Variants in PDE10A observed in about 807,000 individuals in gnomAD.
The protein encoded by PDE10A is cAMP and cAMP-inhibited cGMP 3',5'-cyclic phosphodiesterase 10A.
Under a neutral mutation model 97.7 loss-of-function variants are expected in PDE10A, and 39 were observed. The ratio of observed to expected loss-of-function variants is 0.40; its 90% CI spans 0.31 to 0.52. The LOEUF is 0.52. Ranked by LOEUF, PDE10A falls within the 20% of genes least tolerant of loss-of-function variation. The pLI, the probability that PDE10A is intolerant of heterozygous loss-of-function variation, is 0.56. For missense variants in PDE10A, 731 were observed against 1,047.8 expected, an observed-to-expected ratio of 0.70 and a Z score of 4.17; for synonymous variants, 371 against 376.8, an observed-to-expected ratio of 0.98 and a Z score of 0.18.
At chr6:165,497,831 A>T (rs1780628747) in intron 2 of PDE10A, among the ~76,000 whole-genome samples, 3 of 152,378 alleles carry the variant, frequency 2.0e-5, no homozygotes, top group Middle Eastern at 6.8e-3. Flanking sequence ...GTTGAAACAT[A>T]TAAACGTATC....
chr6:165,432,942 A>C (rs750308114), intron 7 of PDE10A, 32 bp downstream of exon 7: 9 of 1,591,028 alleles, frequency 5.7e-6, no homozygotes, highest in Non-Finnish European at 7.7e-6. Context: ...GTACAACTAA[A>C]AATTCTAACA....
intron 18 of PDE10A, among the ~76,000 whole-genome samples, chr6:165,350,648 C>T (rs1782631969): frequency 6.6e-6 from 1 of 152,184 alleles, no homozygotes; most frequent in Admixed American, 6.5e-5. Context: ...TGTCCCCACC[C>T]AAATCCCATC....
intron 1 of PDE10A, among the ~76,000 whole-genome samples, chr6:165,984,534 A>C (rs1367650059): frequency 6.6e-6 from 1 of 152,232 alleles, no homozygotes; most frequent in Non-Finnish European, 1.5e-5. Context: ...CCAAAAGAAA[A>C]GCCTATGTAC....
chr6:165,406,016 G>T (rs1027421316), intron 13 of PDE10A, among the ~76,000 whole-genome samples: 1 of 151,714 alleles, frequency 6.6e-6, no homozygotes, highest in Non-Finnish European at 1.5e-5. Flanking sequence ...TGTGTGGAAC[G>T]AACAAATGTC....
rs963461351 is a variant in PDE10A at position 165,596,670 on chromosome 6, C to T, written c.866-53102G>A. Among the ~76,000 whole-genome samples the T allele has an allele frequency of 2.0e-5, 3 of 152,224 alleles. No individual in the cohort carries two copies. The South Asian group carries it at 6.2e-4, about 32-fold the overall frequency. ...GCTTGAGCCCATGAGGTGGAGGCTG[C>T]AGGTAGCCATGATTGTACCACTGCA... On this transcript the variant is annotated intron_variant, in intron 1 of 21. Coordinates refer to ENST00000539869, the MANE Select transcript of PDE10A (RefSeq NM_001385079.1).
intron 1 of PDE10A, among the ~76,000 whole-genome samples, chr6:165,707,217 G>A (rs1307505032): frequency 6.6e-6 from 1 of 152,242 alleles, no homozygotes; most frequent in Non-Finnish European, 1.5e-5. Context: ...TTGAGCCAGA[G>A]TCCAGCTGCT....
At chr6:165,923,869 T>A (rs1358386764) in intron 1 of PDE10A, among the ~76,000 whole-genome samples, 2 of 152,150 alleles carry the variant, frequency 1.3e-5, no homozygotes, top group Non-Finnish European at 2.9e-5. Flanking sequence ...CCCTTGAAAG[T>A]GATTTTTACT....
chr6:165,431,443 T>G lies in PDE10A; in HGVS notation c.1521A>C (p.Ser507=). ...TCACCTGCACCTGATGTATTGCTAC[T>G]GAAGCCCAGGCAAGATTTGCTGTTG... ...EVATANLAWA[S]VAIHQVQVCR... Residue 507 remains serine (S), a synonymous_variant, in exon 8 of 22, where the codon TCA becomes TCC. Transcript: ENST00000539869. The G allele has an allele frequency of 6.2e-7, 1 of 1,600,070 alleles. No individual in the cohort carries two copies. The highest frequency in any genetic ancestry group is 8.5e-7 in the Non-Finnish European group (1 of 1,172,016).
intron 1 of PDE10A, among the ~76,000 whole-genome samples, chr6:165,596,922 C>A (rs1167558007): frequency 6.6e-6 from 1 of 151,936 alleles, no homozygotes; most frequent in Non-Finnish European, 1.5e-5. Context: ...TAAATTTTTG[C>A]AATTGCTCTT....
At chr6:165,413,470 T>TA (rs761102106) in intron 13 of PDE10A, 31 bp downstream of exon 13, 3 of 1,481,940 alleles carry the variant, frequency 2.0e-6, no homozygotes, top group Non-Finnish European at 2.8e-6. Context: ...TATTGAGTAG[T>TA]AAAAAATGGT....
At chr6:165,390,851 AC>A (rs1785657903) in intron 16 of PDE10A, among the ~76,000 whole-genome samples, 1 of 152,146 alleles carries the variant, frequency 6.6e-6, no homozygotes, top group Admixed American at 6.5e-5. Flanking sequence ...GTAACCCCTA[AC>A]CCCATGAAGT....
intron 1 of PDE10A, among the ~76,000 whole-genome samples, chr6:165,782,462 A>G (rs1778369332): frequency 6.6e-6 from 1 of 152,196 alleles, no homozygotes; most frequent in Admixed American, 6.5e-5. Flanking sequence ...CCAACTGCCT[A>G]CAAAATCGGC....
At chr6:165,339,505 TAAAG>T (rs1339595791) in intron 19 of PDE10A, 147 bp from the exon 20 acceptor site, 6 of 608,944 alleles carry the variant, frequency 9.9e-6, no homozygotes, top group African/African-American at 1.9e-5. Flanking sequence ...TACATCAAAA[TAAAG>T]AAAAACTTAA....
rs752056851 is a variant in PDE10A at position 165,482,242 on chromosome 6, G to C, written c.1023+73C>G. ...ATCTTTCTGATACTTTAATGTGTTA[G>C]AGTACTGAGAGATAAACAAAACAGA... On this transcript the variant is annotated intron_variant, in intron 3 of 21. Coordinates refer to ENST00000539869, the MANE Select transcript of PDE10A (RefSeq NM_001385079.1). 2.6e-5 allele frequency: 25 copies of C among 979,802 alleles called. 1 individual carries two copies. The Admixed American group carries it at 3.1e-4, about 12-fold the overall frequency. The allele number at this position is 979,802 out of a possible 1,614,324, so 60.7% of individuals were successfully genotyped here.
At chr6:165,367,998 C>A (rs549488597) in intron 18 of PDE10A, among the ~76,000 whole-genome samples, 2 of 152,142 alleles carry the variant, frequency 1.3e-5, no homozygotes, top group Non-Finnish European at 2.9e-5. Context: ...TTCCTAAATT[C>A]TTTTCTTGTT....
intron 1 of PDE10A, among the ~76,000 whole-genome samples, chr6:165,701,715 GTGTT>G (rs1157118766): frequency 2.0e-5 from 3 of 151,710 alleles, no homozygotes; most frequent in African/African-American, 4.8e-5. Flanking sequence ...GTGCATGTGT[GTGTT>G]TGCGCGTGTG....
intron 6 of PDE10A, among the ~76,000 whole-genome samples, chr6:165,434,043 T>TA (rs1789819225): frequency 8.0e-6 from 1 of 124,734 alleles, no homozygotes; most frequent in African/African-American, 3.3e-5. Context: ...AAAAAAGAAG[T>TA]AGTACAGGGA....
intron 2 of PDE10A, among the ~76,000 whole-genome samples, chr6:165,488,056 T>G (rs1049007780): frequency 1.1e-4 from 15 of 137,096 alleles, no homozygotes; most frequent in African/African-American, 4.2e-4. Flanking sequence ...AAAAAAAAAG[T>G]TCCAGAGGAC....
chr6:165,384,161 A>G (rs1244281286), intron 17 of PDE10A, among the ~76,000 whole-genome samples: 1 of 152,176 alleles, frequency 6.6e-6, no homozygotes, highest in Admixed American at 6.5e-5. Flanking sequence ...GGACACAAAC[A>G]CTTGGAGAAA....
Sources: gnomAD v4.1 joint callset for allele counts (sites outside exome capture counted in the v4.1 genomes callset) on GRCh38, gnomAD v4.1.1 for gene constraint, MANE v1.5 for transcripts, NCBI Gene and HGNC (gene_info 2026-07-23, HGNC 2026-07-21) for gene names.